Variants in MIER2 observed in about 807,000 individuals in gnomAD.
The protein encoded by MIER2 is mesoderm induction early response protein 2.
MIER2 carries 30 observed loss-of-function variants against 67.6 expected under a neutral mutation model. The observed-to-expected ratio is 0.44, with a 90% CI of 0.33 to 0.60. MIER2 has a LOEUF of 0.60. Among genes scored for constraint, MIER2 ranks in the 20% least tolerant of loss-of-function variants. The pLI, the probability that MIER2 is intolerant of heterozygous loss-of-function variation, is 0.02. For synonymous variants in MIER2, 372 were observed against 312.6 expected (o/e 1.19, Z -2.00); for missense variants, 702 against 745.1 (o/e 0.94, Z 0.67).
In MIER2 at chr19:327,167, G is replaced by A. The variant is rs115288588; in HGVS notation, c.459C>T (p.His153=). 2,475 of 1,593,730 alleles carry A rather than the reference G, an allele frequency of 1.6e-3. 17 individuals carry two copies. In the African/African-American group the frequency reaches 0.022, roughly 14 times the overall value. The change falls in exon 5 of 14, where the codon CAC becomes CAT. Residue 153 remains histidine (H), a synonymous_variant. Transcript: ENST00000264819. ...GGTTAGGGAAGAGGTCGGAGGCCTCGTGGGAGGTCACGGACGGGGTGAGGT... is the reference window on the plus strand; with the variant it reads ...GGTTAGGGAAGAGGTCGGAGGCCTCATGGGAGGTCACGGACGGGGTGAGGT... ...ADDLTPSVTS[H]EASDLFPNRS...
Position 308,588 on chromosome 19 carries a change from C to T in MIER2, c.1187G>A (p.Gly396Glu). The change falls in exon 12 of 14, where the codon GGG becomes GAG. Residue 396 changes from glycine to glutamate, a missense_variant. Transcript: ENST00000264819. The surrounding 1 kb of genome is among the most constrained non-coding windows in gnomAD (Gnocchi z 9.1). ...RPRPEQDTLT[G>E]MRTDPLSVDG... ...TCCCCAAGCCTCACCTGTGCGCATCCCAGTCAGGGTGTCTTGCTCCGGGCG... is the reference window on the plus strand; with the variant it reads ...TCCCCAAGCCTCACCTGTGCGCATCTCAGTCAGGGTGTCTTGCTCCGGGCG... The T allele has an allele frequency of 1.2e-6, 2 of 1,604,430 alleles. No individual in the cohort carries two copies. Among genetic ancestry groups the T allele is most frequent in the Non-Finnish European group, 1.7e-6 (2 of 1,177,044 alleles).
chr19:335,090 T>C (rs1972179227), intron 2 of MIER2, among the ~76,000 whole-genome samples: 1 of 152,236 alleles, frequency 6.6e-6, no homozygotes, highest in Non-Finnish European at 1.5e-5. Context: ...TTGACGGCTG[T>C]CATCAGATCC....
rs188645846 is a variant in MIER2 at position 311,818 on chromosome 19, G to A, written c.984+27C>T. On this transcript the variant is annotated intron_variant, in intron 10 of 13. Coordinates refer to ENST00000264819, the MANE Select transcript of MIER2 (RefSeq NM_017550.3). ...CCCCTCCCCAGATCGAGAAGCCCCCGGTGGAGCCTGGCAGTGGAGTCCGCA... is the reference window on the plus strand; with the variant it reads ...CCCCTCCCCAGATCGAGAAGCCCCCAGTGGAGCCTGGCAGTGGAGTCCGCA... 58 of 1,611,790 alleles carry A rather than the reference G, an allele frequency of 3.6e-5. 1 individual carries two copies. The highest frequency in any genetic ancestry group is 1.6e-4 in the South Asian group (15 of 90,986).
At chr19:321,010 T>C (rs537822902) in intron 7 of MIER2, among the ~76,000 whole-genome samples, 2 of 152,154 alleles carry the variant, frequency 1.3e-5, no homozygotes, top group Non-Finnish European at 2.9e-5. Flanking sequence ...GGCACAAGGA[T>C]GTGAAAAACG....
chr19:317,568 T>TAAATAAATA (rs1438758254), intron 7 of MIER2, among the ~76,000 whole-genome samples: 1 of 111,494 alleles, frequency 9.0e-6, no homozygotes, highest in East Asian at 4.3e-4. Flanking sequence ...ATAAATAAAA[T>TAAATAAATA]AAAAATACAA....
chr19:317,559 T>TAAATAAATA, intron 7 of MIER2, among the ~76,000 whole-genome samples: 2 of 146,628 alleles, frequency 1.4e-5, no homozygotes, highest in African/African-American at 5.1e-5. Context: ...AATAAATAAA[T>TAAATAAATA]AAATAAAATA....
At chr19:342,266 C>T (rs975326148) in intron 1 of MIER2, among the ~76,000 whole-genome samples, 1 of 152,180 alleles carries the variant, frequency 6.6e-6, no homozygotes, top group African/African-American at 2.4e-5. Context: ...CACCTGCCTC[C>T]ACCCACATGG....
rs776173360 is a variant in MIER2 at position 313,553 on chromosome 19, C to A, written c.746G>T (p.Arg249Leu). 5.6e-6 allele frequency: 9 copies of A among 1,613,184 alleles called. No homozygotes were observed. The African/African-American group carries it at 9.3e-5, about 17-fold the overall frequency. ...EEFLYRAVKRRWHEMAGPQLP... is the reference protein window; with the variant it reads ...EEFLYRAVKRLWHEMAGPQLP... ...CTGAGGCCCGGCCATCTCGTGCCAA[C>A]GCCGCTTCACCGCCCTGTACAGGAA... is the stretch of plus-strand genomic sequence containing the variant. Residue 249 changes from arginine (R) to leucine (L), a missense_variant, in exon 8 of 14, where the codon CGT becomes CTT. Physicochemically the swap from Arg to Leu is moderately radical, Grantham distance 102. This residue lies in a region of MIER2 where 128 missense variants were observed against 189.7 expected (regional missense o/e 0.67). Coordinates refer to ENST00000264819, the MANE Select transcript of MIER2 (RefSeq NM_017550.3).
chr19:325,656 A>C lies in MIER2; in HGVS notation c.634T>G (p.Leu212Val), dbSNP rs1267836351. The change falls in exon 7 of 14, where the codon TTG becomes GTG. Residue 212 changes from leucine to valine, a missense_variant. This residue lies in a region of MIER2 where 320 missense variants were observed against 292.6 expected (regional missense o/e 1.09). Coordinates refer to ENST00000264819, the MANE Select transcript of MIER2 (RefSeq NM_017550.3). ...TTACTCTTCTCACAGTGCCGGTTCAAGTGCAGGTTGCTGAGGTCAGCTTGG... is the reference window on the plus strand; with the variant it reads ...TTACTCTTCTCACAGTGCCGGTTCACGTGCAGGTTGCTGAGGTCAGCTTGG... ...QFQADLSNLH[L>V]NRHCEKIYEN... is the part of the protein sequence containing the mutation. The C allele has an allele frequency of 6.2e-7, 1 of 1,614,214 alleles. No homozygotes were observed. The highest frequency in any genetic ancestry group is 1.1e-5 in the South Asian group (1 of 91,086).
At chr19:311,981 C>T (rs562209878) in intron 9 of MIER2, 42 bp from the exon 10 acceptor site, 209 of 1,574,048 alleles carry the variant, frequency 1.3e-4, no homozygotes, top group Non-Finnish European at 1.6e-4. Context: ...GTGCCCAGGG[C>T]GGGGCCGCAG....
At chr19:306,793 C>T in intron 13 of MIER2, 82 bp from the exon 14 acceptor site, 1 of 1,544,524 alleles carries the variant, frequency 6.5e-7, no homozygotes, top group Non-Finnish European at 8.8e-7. Context: ...GAGCGCTGGA[C>T]TCGAGACTCC....
chr19:337,199 C>G (rs146703719), intron 1 of MIER2, among the ~76,000 whole-genome samples: 15 of 152,228 alleles, frequency 9.9e-5, no homozygotes, highest in African/African-American at 3.6e-4. Flanking sequence ...CAAACTGAAT[C>G]CAGCAACACA....
chr19:323,077 T>A (rs1205303051), intron 7 of MIER2, among the ~76,000 whole-genome samples: 2 of 146,670 alleles, frequency 1.4e-5, no homozygotes, highest in Admixed American at 6.8e-5. Context: ...CACAATGCAA[T>A]ACACACGACA....
At chr19:339,985 G>C (rs118070482) in intron 1 of MIER2, among the ~76,000 whole-genome samples, 1 of 152,112 alleles carries the variant, frequency 6.6e-6, no homozygotes, top group Admixed American at 6.6e-5. Context: ...ATTATACCTC[G>C]GGAAAGCTGC....
At chr19:316,541 C>T (rs1179235091) in intron 7 of MIER2, among the ~76,000 whole-genome samples, 3 of 152,204 alleles carry the variant, frequency 2.0e-5, no homozygotes, top group Admixed American at 6.5e-5. Flanking sequence ...CTGCCTGCCT[C>T]GGCCTCCCAA....
intron 3 of MIER2, among the ~76,000 whole-genome samples, chr19:331,343 G>A (rs1213091925): frequency 1.4e-5 from 2 of 146,096 alleles, no homozygotes; most frequent in Non-Finnish European, 3.0e-5. Context: ...GGGCAACAGA[G>A]TGAGACTCTG....
At chr19:327,391 G>T in intron 4 of MIER2, 135 bp from the exon 5 acceptor site, 1 of 1,150,228 alleles carries the variant, frequency 8.7e-7, no homozygotes, top group Non-Finnish European at 1.2e-6. Flanking sequence ...TCTGCAAAGG[G>T]TGCACAGCGT....
At chr19:310,104 G>A (rs1970884749) in intron 10 of MIER2, among the ~76,000 whole-genome samples, 2 of 152,038 alleles carry the variant, frequency 1.3e-5, no homozygotes, top group Admixed American at 6.6e-5. Flanking sequence ...TGTGTTCCAT[G>A]TGGCACCTGG....
intron 4 of MIER2, 49 bp downstream of exon 4, chr19:327,814 GC>G (rs762159525): frequency 3.1e-6 from 5 of 1,602,636 alleles, no homozygotes; most frequent in Admixed American, 3.5e-5. Context: ...GCAGCGCCAG[GC>G]CCCCCCACCT....
Sources: gnomAD v4.1 joint callset for allele counts (sites outside exome capture counted in the v4.1 genomes callset) on GRCh38, gnomAD v4.1.1 for gene constraint, gnomAD v4.1.1 regional missense constraint, Gnocchi (gnomAD v3.1) non-coding constraint, MANE v1.5 for transcripts, NCBI Gene and HGNC (gene_info 2026-07-23, HGNC 2026-07-21) for gene names.